PTPRD: variants seen among roughly 807,000 people sequenced by gnomAD.
The protein encoded by PTPRD is protein tyrosine phosphatase receptor type D, also known as receptor-type tyrosine-protein phosphatase delta.
In PTPRD, 34 loss-of-function variants were observed where a neutral mutation model predicts 214.5. The ratio of observed to expected loss-of-function variants is 0.16; its 90% CI spans 0.12 to 0.21. The LOEUF (loss-of-function observed/expected upper bound fraction) is 0.21. PTPRD is among the 10% of genes least tolerant of loss of function. The probability of loss-of-function intolerance (pLI) is 1.00; values close to 1 mark genes in which losing one functional copy is unlikely to be tolerated. For missense variants in PTPRD, 2,545 were observed against 2,398.7 expected (o/e 1.06, Z -1.27); for synonymous variants, 1,128 against 845.7 (o/e 1.33, Z -5.79).
intron 4 of PTPRD, among the ~76,000 whole-genome samples, chr9:9,976,808 G>T (rs1322102470): frequency 6.6e-6 from 1 of 150,452 alleles, no homozygotes; most frequent in Admixed American, 6.6e-5. Context: ...TGTCTTCTTA[G>T]ACAGTTCACT....
At chr9:8,810,015 T>C (rs914501742) in intron 11 of PTPRD, among the ~76,000 whole-genome samples, 1 of 152,166 alleles carries the variant, frequency 6.6e-6, no homozygotes, top group African/African-American at 2.4e-5. Context: ...TGTGGGCCAA[T>C]TCATCAGTCC....
At chr9:9,773,576 A>T (rs536539239) in intron 5 of PTPRD, among the ~76,000 whole-genome samples, 1 of 152,322 alleles carries the variant, frequency 6.6e-6, no homozygotes, top group South Asian at 2.1e-4. Flanking sequence ...CCTCTGCTCC[A>T]TTCCCTCATT....
At chr9:9,595,828 A>G (rs1226382751) in intron 7 of PTPRD, among the ~76,000 whole-genome samples, 1 of 151,976 alleles carries the variant, frequency 6.6e-6, no homozygotes, top group Non-Finnish European at 1.5e-5. Context: ...ATAAAAGACT[A>G]CAAGCTGGGT....
intron 34 of PTPRD, among the ~76,000 whole-genome samples, chr9:8,446,012 G>A (rs1051581330): frequency 6.6e-6 from 1 of 152,170 alleles, no homozygotes; most frequent in African/African-American, 2.4e-5. Flanking sequence ...AGCAGTGTCA[G>A]AGAGTGACTT....
Position 8,778,059 on chromosome 9 carries a change from C to G in PTPRD, c.-103-44113G>C, listed in dbSNP as rs2095552873. On this transcript the variant is annotated intron_variant, in intron 11 of 45. Coordinates refer to ENST00000381196, the MANE Select transcript of PTPRD (RefSeq NM_002839.4). ...CAGAAGTAATTCAGATGTGGGCTCT[C>G]AGATTAGAAACTACTGTTGCTCTGT... 1.3e-5 allele frequency among the ~76,000 whole-genome samples: 2 copies of G among 152,172 alleles called. 1 individual carries two copies. Among genetic ancestry groups the G allele is most frequent in the Admixed American group, 1.3e-4 (2 of 15,262 alleles).
chr9:8,920,379 G>A (rs2154269133), intron 11 of PTPRD, among the ~76,000 whole-genome samples: 1 of 152,050 alleles, frequency 6.6e-6, no homozygotes, highest in African/African-American at 2.4e-5. Context: ...ATACTAAGGA[G>A]GCAATGTATT....
chr9:9,958,668 C>T (rs895935275), intron 4 of PTPRD, among the ~76,000 whole-genome samples: 1 of 152,000 alleles, frequency 6.6e-6, no homozygotes, highest in Non-Finnish European at 1.5e-5. Context: ...AACTTTTATC[C>T]AAAATATACA....
chr9:10,571,058 C>G (rs2067277255), intron 2 of PTPRD, among the ~76,000 whole-genome samples: 1 of 151,994 alleles, frequency 6.6e-6, no homozygotes, highest in Non-Finnish European at 1.5e-5. Context: ...CTATTTTATG[C>G]ATATTTGCAT....
chr9:9,947,520 TATTATATATATTTTATATATAA>T, intron 4 of PTPRD, among the ~76,000 whole-genome samples: 2 of 28,838 alleles, frequency 6.9e-5, no homozygotes, highest in African/African-American at 3.4e-4. Context: ...ATAATATATA[TATTATATATATTTTATATATAA>T]TATATATATT....
intron 2 of PTPRD, among the ~76,000 whole-genome samples, chr9:10,357,665 C>T (rs747422070): frequency 6.6e-6 from 1 of 152,044 alleles, no homozygotes. Context: ...AAAGTGAAAA[C>T]AAGTTTGTTA....
At chr9:9,570,490 T>C (rs2086026046) in intron 8 of PTPRD, among the ~76,000 whole-genome samples, 4 of 151,584 alleles carry the variant, frequency 2.6e-5, no homozygotes. Context: ...ATCACTTACA[T>C]TCAGGGACAC....
intron 9 of PTPRD, among the ~76,000 whole-genome samples, chr9:9,200,260 G>A (rs1210251556): frequency 1.3e-5 from 2 of 152,170 alleles, no homozygotes; most frequent in African/African-American, 4.8e-5. Flanking sequence ...TACAATGAGA[G>A]TCTTTCTGGC....
intron 11 of PTPRD, among the ~76,000 whole-genome samples, chr9:8,896,836 A>T (rs1411454050): frequency 1.3e-5 from 2 of 152,168 alleles, no homozygotes; most frequent in African/African-American, 4.8e-5. Context: ...GATTCAGGTT[A>T]TTTTTCATCA....
chr9:9,777,555 A>T (rs1213120970), intron 5 of PTPRD, among the ~76,000 whole-genome samples: 3 of 152,038 alleles, frequency 2.0e-5, no homozygotes, highest in Non-Finnish European at 4.4e-5. Flanking sequence ...AAATTTAGCC[A>T]GTTATGGTGG....
chr9:10,134,018 G>A (rs1313626462), intron 3 of PTPRD, among the ~76,000 whole-genome samples: 4 of 151,960 alleles, frequency 2.6e-5, no homozygotes, highest in Non-Finnish European at 5.9e-5. Context: ...TTTGTTGAGG[G>A]AGCACAGGTT....
chr9:10,102,407 TA>T (rs35791060), intron 3 of PTPRD, among the ~76,000 whole-genome samples: 61,140 of 150,944 alleles, frequency 0.41, 13,236 homozygotes, highest in East Asian at 0.53. Flanking sequence ...GATGTCAATA[TA>T]AAAAAACCCA....
At chr9:10,289,629 A>G (rs144750065) in intron 3 of PTPRD, among the ~76,000 whole-genome samples, 2 of 152,222 alleles carry the variant, frequency 1.3e-5, no homozygotes, top group South Asian at 4.1e-4. Context: ...AAAGAAAAAG[A>G]AAATGACTTC....
In PTPRD at chr9:8,948,502, TA is replaced by T. The variant is rs1412868537; in HGVS notation, c.-104+70194del. Among the ~76,000 whole-genome samples the T allele has an allele frequency of 6.0e-5, 3 of 50,334 alleles. No individual in the cohort carries two copies. In the East Asian group the frequency reaches 2.0e-3, roughly 34 times the overall value. 33.0% of individuals were successfully genotyped at this position (50,334 alleles called of 152,430 possible). ...ATATTTATATATATATTTATATATA[TA>T]TTTATATATATATATTTATATATAT... On this transcript the variant is annotated intron_variant, in intron 11 of 45. Transcript: ENST00000381196.
chr9:9,324,795 G>C (rs538237680), intron 9 of PTPRD, among the ~76,000 whole-genome samples: 2 of 152,104 alleles, frequency 1.3e-5, no homozygotes, highest in African/African-American at 4.8e-5. Flanking sequence ...GTATTGCCTA[G>C]GTTTTCCTCT....
Sources: gnomAD v4.1 joint callset for allele counts (sites outside exome capture counted in the v4.1 genomes callset) on GRCh38, gnomAD v4.1.1 for gene constraint, MANE v1.5 for transcripts, NCBI Gene and HGNC (gene_info 2026-07-23, HGNC 2026-07-21) for gene names.